PTPRT: variants seen among roughly 807,000 people sequenced by gnomAD.
PTPRT encodes protein tyrosine phosphatase receptor type T, also known as receptor-type tyrosine-protein phosphatase T.
In PTPRT, 56 loss-of-function variants were observed where a neutral mutation model predicts 176.8. That is an observed-to-expected ratio of 0.32 (90% CI 0.26 to 0.40). PTPRT has a LOEUF of 0.40. Ranked by LOEUF, PTPRT falls within the 10% of genes least tolerant of loss-of-function variation. The probability of loss-of-function intolerance (pLI) is 1.00; values close to 1 mark genes in which losing one functional copy is unlikely to be tolerated. For missense variants in PTPRT, 1,540 were observed against 1,908.2 expected, an observed-to-expected ratio of 0.81 and a Z score of 3.60; for synonymous variants, 783 against 739.0, an observed-to-expected ratio of 1.06 and a Z score of -0.96.
intron 2 of PTPRT, among the ~76,000 whole-genome samples, chr20:42,828,174 G>C (rs2078027743): frequency 6.6e-6 from 1 of 152,232 alleles, no homozygotes; most frequent in Admixed American, 6.5e-5. Flanking sequence ...ATGAAGTCCA[G>C]GTTGAGATGG....
At position 42,484,927 on chromosome 20, in the gene PTPRT, C is replaced by T. The variant is rs182677324; in HGVS notation, c.1154-12365G>A. On this transcript the variant is annotated intron_variant, in intron 7 of 30. Transcript: ENST00000373187. ...GCCACATTCTGCTTCCCAGCTCCAT[C>T]TCAGACCTTGATCTTCCCTCTCTGC... Among the ~76,000 whole-genome samples the T allele has an allele frequency of 1.6e-3, 242 of 152,296 alleles. 1 individual carries two copies. The highest frequency in any genetic ancestry group is 6.1e-3 in the Admixed American group (93 of 15,288).
intron 8 of PTPRT, among the ~76,000 whole-genome samples, chr20:42,468,452 G>A (rs1601081324): frequency 6.6e-6 from 1 of 152,194 alleles, no homozygotes; most frequent in African/African-American, 2.4e-5. Context: ...TGGGTTTTGA[G>A]GCAGAGCCTC....
chr20:43,013,602 C>CCTCTAGGGATACACAGAGACAACAGCAAT (rs1283859590), intron 1 of PTPRT, among the ~76,000 whole-genome samples: 2 of 152,044 alleles, frequency 1.3e-5, no homozygotes, highest in African/African-American at 4.8e-5. Context: ...GTCTGTGGAC[C>CCTCTAGGGATACACAGAGACAACAGCAAT]CTCTAGGGAT....
At chr20:42,998,039 G>A (rs1984326234) in intron 1 of PTPRT, among the ~76,000 whole-genome samples, 2 of 152,120 alleles carry the variant, frequency 1.3e-5, no homozygotes, top group Non-Finnish European at 2.9e-5. Context: ...AGGGAACATT[G>A]GCTAACATTC....
chr20:42,128,770 T>C lies in PTPRT; in HGVS notation c.2831A>G (p.Asn944Ser), dbSNP rs1987981833. 1.2e-6 allele frequency: 2 copies of C among 1,603,616 alleles called. No homozygotes were observed. Among genetic ancestry groups the C allele is most frequent in the Non-Finnish European group, 1.7e-6 (2 of 1,174,098 alleles). The change falls in exon 19 of 31, where the codon AAT (asparagine) becomes AGT (serine). Residue 944 changes from asparagine to serine, a missense_variant. Physicochemically the swap from Asn to Ser is conservative, Grantham distance 46. Around this residue, in one of 11 missense-constraint regions of PTPRT, gnomAD observed 248 missense variants for 356.7 expected, o/e 0.70. Coordinates refer to ENST00000373187, the MANE Select transcript of PTPRT (RefSeq NM_007050.6). Reference protein sequence around the residue: ...LDGDPHSDYINANYIDGYHRP... With the variant: ...LDGDPHSDYISANYIDGYHRP... ...GACACTCACGTCAATGTAGTTGGCATTGATGTAGTCAGAGTGCGGGTCTCC... is the reference window on the plus strand; with the variant it reads ...GACACTCACGTCAATGTAGTTGGCACTGATGTAGTCAGAGTGCGGGTCTCC...
intron 6 of PTPRT, among the ~76,000 whole-genome samples, chr20:42,682,648 G>A (rs1480194795): frequency 6.6e-6 from 1 of 152,224 alleles, no homozygotes. Flanking sequence ...TGAGGGCTGA[G>A]CTGGGAGATG....
intron 7 of PTPRT, among the ~76,000 whole-genome samples, chr20:42,540,707 A>T (rs958232730): frequency 6.6e-6 from 1 of 152,230 alleles, no homozygotes; most frequent in Admixed American, 6.5e-5. Flanking sequence ...AACAAGTCAA[A>T]TATTAGCTTC....
intron 15 of PTPRT, among the ~76,000 whole-genome samples, chr20:42,227,544 T>G (rs1160253471): frequency 2.0e-5 from 3 of 151,758 alleles, no homozygotes; most frequent in Admixed American, 6.6e-5. Context: ...TGGGTGATCA[T>G]TCTTTCATAG....
At chr20:43,138,340 G>C (rs907051975) in intron 1 of PTPRT, among the ~76,000 whole-genome samples, 1 of 152,218 alleles carries the variant, frequency 6.6e-6, no homozygotes, top group Non-Finnish European at 1.5e-5. Context: ...TGGAACACCC[G>C]GGCTGCCGGC....
chr20:42,104,477 G>A, intron 25 of PTPRT, 92 bp downstream of exon 25: 2 of 1,377,586 alleles, frequency 1.5e-6, no homozygotes, highest in Non-Finnish European at 2.0e-6. Flanking sequence ...TAATGAATAA[G>A]TGTCTGTCAT....
intron 1 of PTPRT, among the ~76,000 whole-genome samples, chr20:43,068,733 C>T (rs971550064): frequency 1.3e-5 from 2 of 152,048 alleles, no homozygotes; most frequent in Admixed American, 1.3e-4. Flanking sequence ...GTTAGAAAAT[C>T]CCAATAACTA....
intron 2 of PTPRT, among the ~76,000 whole-genome samples, chr20:42,855,722 G>A (rs952637927): frequency 1.3e-5 from 2 of 150,438 alleles, no homozygotes; most frequent in African/African-American, 2.5e-5. Context: ...ATGAGCCATC[G>A]AACCCAGCCC....
chr20:42,201,920 CAGGAATCCCAACCA>C (rs1313794985), intron 15 of PTPRT, among the ~76,000 whole-genome samples: 1 of 141,286 alleles, frequency 7.1e-6, no homozygotes, highest in African/African-American at 2.6e-5. Context: ...GAACTGGATC[CAGGAATCCCAACCA>C]AGAAGAGAAA....
chr20:42,833,766 A>G (rs1316391140), intron 2 of PTPRT, among the ~76,000 whole-genome samples: 1 of 152,184 alleles, frequency 6.6e-6, no homozygotes, highest in Admixed American at 6.5e-5. Flanking sequence ...CAGTGGAGAA[A>G]GGACAGGCTT....
chr20:42,134,252 A>G (rs965653310), intron 18 of PTPRT, among the ~76,000 whole-genome samples: 1 of 152,250 alleles, frequency 6.6e-6, no homozygotes, highest in East Asian at 1.9e-4. Flanking sequence ...TATACGAGGT[A>G]ATTTACAAGC....
chr20:43,010,646 A>G (rs1985068101), intron 1 of PTPRT, among the ~76,000 whole-genome samples: 3 of 152,020 alleles, frequency 2.0e-5, no homozygotes, highest in Admixed American at 2.0e-4. Context: ...AATCAACATC[A>G]TCATCGCATT....
intron 16 of PTPRT, among the ~76,000 whole-genome samples, chr20:42,174,192 A>G (rs183679274): frequency 1.0e-3 from 159 of 152,328 alleles, no homozygotes; most frequent in African/African-American, 3.7e-3. Context: ...GATAAATAGC[A>G]TATGCAAAAG....
At chr20:42,940,831 C>T (rs190443966) in intron 1 of PTPRT, among the ~76,000 whole-genome samples, 269 of 152,160 alleles carry the variant, frequency 1.8e-3, no homozygotes, top group Non-Finnish European at 3.1e-3. Flanking sequence ...CCTGTAATCC[C>T]GGCACTTTGG....
At chr20:42,332,428 C>T (rs6030145) in intron 11 of PTPRT, among the ~76,000 whole-genome samples, 122,165 of 151,862 alleles carry the variant, frequency 0.8, 49,250 homozygotes, top group African/African-American at 0.86. Flanking sequence ...GCCAGGATGG[C>T]CTCAATTTCC....
Sources: allele counts gnomAD v4.1 joint callset (sites outside exome capture counted in the v4.1 genomes callset), GRCh38; gene constraint gnomAD v4.1.1; regional missense constraint gnomAD v4.1.1; transcripts MANE v1.5; gene names NCBI Gene and HGNC (gene_info 2026-07-23, HGNC 2026-07-21).